Variants in SETD2 observed in about 807,000 individuals in gnomAD.
SETD2 encodes histone-lysine N-methyltransferase SETD2.
Under a neutral mutation model 242.1 loss-of-function variants are expected in SETD2, and 31 were observed. The ratio of observed to expected loss-of-function variants is 0.13; its 90% confidence interval spans 0.10 to 0.17. The LOEUF (loss-of-function observed/expected upper bound fraction) is 0.17, where lower values mean the gene tolerates loss of function less well. Ranked by LOEUF, SETD2 falls within the 10% of genes least tolerant of loss-of-function variation. The pLI is 1.00. For synonymous variants in SETD2, 1,006 were observed against 1,066.5 expected (o/e 0.94, Z 1.11); for missense variants, 2,481 against 3,046.3 (o/e 0.81, Z 4.37).
intron 1 of SETD2, chr3:47,145,470 C>T (rs1484213706): frequency 2.4e-6 from 1 of 415,336 alleles, no homozygotes. Context: ...TCCCAGCTTG[C>T]TGCAGCCTTG....
At chr3:47,044,773 G>A (rs2039447960) in intron 16 of SETD2, among the ~76,000 whole-genome samples, 1 of 152,120 alleles carries the variant, frequency 6.6e-6, no homozygotes, top group African/African-American at 2.4e-5. Context: ...GTATAGTGAA[G>A]TATATCACAC....
intron 12 of SETD2, 40 bp from the exon 13 acceptor site, chr3:47,067,158 T>G (rs1236014921): frequency 6.9e-7 from 1 of 1,457,586 alleles, no homozygotes; most frequent in Non-Finnish European, 9.6e-7. Context: ...TTAGTGAGGG[T>G]GGAAATGGTG....
chr3:47,103,273 T>C (rs1341563962), intron 7 of SETD2, 73 bp downstream of exon 7: 8 of 951,914 alleles, frequency 8.4e-6, no homozygotes, highest in Admixed American at 5.4e-5. Context: ...ACCTTAGATA[T>C]GGGATCTAAA....
intron 13 of SETD2, among the ~76,000 whole-genome samples, chr3:47,065,639 T>A (rs968805486): frequency 3.3e-5 from 5 of 151,690 alleles, no homozygotes; most frequent in African/African-American, 7.3e-5. Context: ...CTACAAAAAA[T>A]AAATAAATAA....
rs768998716 is a variant in SETD2, at chr3:47,057,516, A to C, written c.6294-26T>G. 3.8e-6 allele frequency: 6 copies of C among 1,578,040 alleles called. No homozygotes were observed. The South Asian group carries it at 6.7e-5, about 18-fold the overall frequency. Reference sequence around the variant, plus strand: ...CTAGAAAGAAAATAAGGACCACAAAAAGTTGCTCCCTAAATCATAGACACA... The same window carrying C: ...CTAGAAAGAAAATAAGGACCACAAACAGTTGCTCCCTAAATCATAGACACA... On this transcript the variant is annotated intron_variant, in intron 14 of 20. Coordinates refer to ENST00000409792, the MANE Select transcript of SETD2 (RefSeq NM_014159.7).
intron 2 of SETD2, among the ~76,000 whole-genome samples, chr3:47,124,963 A>G (rs1363182995): frequency 6.6e-6 from 1 of 152,144 alleles, no homozygotes; most frequent in African/African-American, 2.4e-5. Flanking sequence ...TCTATCAGAG[A>G]TGAAAAATCA....
Position 47,096,936 on chromosome 3 carries a change from CTTTT to C in SETD2, c.5142+1015_5142+1018del, listed in dbSNP as rs558756062. 2.1e-4 allele frequency among the ~76,000 whole-genome samples: 32 copies of C among 152,078 alleles called. 1 individual carries two copies. The South Asian group carries it at 6.4e-3, about 31-fold the overall frequency. On this transcript the variant is annotated intron_variant, in intron 9 of 20. Transcript: ENST00000409792. ...CGGACCTTTCCAATGCTTTTTTTAA[CTTTT>C]TTTAACTGAATCTTCTTACAGAATT...
intron 8 of SETD2, 112 bp from the exon 9 acceptor site, chr3:47,098,193 C>G: frequency 2.8e-6 from 3 of 1,087,934 alleles, no homozygotes; most frequent in Non-Finnish European, 3.8e-6. Context: ...CAAACAAAAA[C>G]CATAACTTGA....
chr3:47,061,449 A>ACAACACTGT (rs1266426927), intron 14 of SETD2, among the ~76,000 whole-genome samples: 1 of 152,138 alleles, frequency 6.6e-6, no homozygotes, highest in Non-Finnish European at 1.5e-5. Context: ...TACAGTAGGG[A>ACAACACTGT]AAGGACAGCA....
Position 47,070,714 on chromosome 3 carries a change from T to C in SETD2, c.6061-3596A>G, listed in dbSNP as rs79911976. Among the ~76,000 whole-genome samples the C allele has an allele frequency of 1.1e-4, 16 of 152,324 alleles. No homozygotes were observed. The East Asian group carries it at 2.7e-3, about 26-fold the overall frequency. Reference sequence around the variant, plus strand: ...ACCCTTAATGTAAGATCACCTTACTTTGTTAAATATTCCACTCAAGAGACT... The same window carrying C: ...ACCCTTAATGTAAGATCACCTTACTCTGTTAAATATTCCACTCAAGAGACT... On this transcript the variant is annotated intron_variant, in intron 12 of 20. Coordinates refer to ENST00000409792, the MANE Select transcript of SETD2 (RefSeq NM_014159.7).
chr3:47,143,835 C>T lies in SETD2; in HGVS notation c.72-17172G>A, dbSNP rs193283850. Among the ~76,000 whole-genome samples the T allele has an allele frequency of 3.1e-3, 476 of 152,180 alleles. 2 individuals are homozygous for T. The highest frequency in any genetic ancestry group is 6.8e-3 in the Middle Eastern group (2 of 294). ...ATGCCATTCTCCTGCCTCAGCCTCC[C>T]GAGTAGCTGGGACTACAGACACCCA... On this transcript the variant is annotated intron_variant, in intron 1 of 20. Coordinates refer to ENST00000409792, the MANE Select transcript of SETD2 (RefSeq NM_014159.7).
Position 47,121,887 on chromosome 3 carries a change from T to G in SETD2, c.2749A>C (p.Ser917Arg). Residue 917 changes from serine to arginine, a missense_variant, in exon 3 of 21, where the codon AGT becomes CGT. Ser to Arg is a moderately radical substitution (Grantham distance 110, BLOSUM62 -1). Around this residue, in one of 17 missense-constraint regions of SETD2, gnomAD observed 1,300 missense variants for 1,259.2 expected, o/e 1.03. Coordinates refer to ENST00000409792, the MANE Select transcript of SETD2 (RefSeq NM_014159.7). ...VLDAVLKSKK[S>R]SEFLKHAGKE... ...CCTGCATGCTTTAAAAACTCTGAACTTTTTTTACTCTTTAGCACTGCATCC... is the reference window on the plus strand; with the variant it reads ...CCTGCATGCTTTAAAAACTCTGAACGTTTTTTACTCTTTAGCACTGCATCC... 6.2e-7 allele frequency: 1 copy of G among 1,613,932 alleles called. No homozygotes were observed. Among genetic ancestry groups the G allele is most frequent in the Non-Finnish European group, 8.5e-7 (1 of 1,179,968 alleles).
At chr3:47,100,555 G>A (rs1388576275) in intron 8 of SETD2, among the ~76,000 whole-genome samples, 1 of 152,096 alleles carries the variant, frequency 6.6e-6, no homozygotes, top group Non-Finnish European at 1.5e-5. Flanking sequence ...CAACCAGCCT[G>A]TAGTTTTATT....
chr3:47,151,841 A>G (rs1189688350), intron 1 of SETD2, among the ~76,000 whole-genome samples: 1 of 151,992 alleles, frequency 6.6e-6, no homozygotes, highest in Non-Finnish European at 1.5e-5. Flanking sequence ...AAAAAAAAAA[A>G]AAAAAAGTTT....
At chr3:47,142,428 G>C (rs1575840333) in intron 1 of SETD2, among the ~76,000 whole-genome samples, 1 of 152,194 alleles carries the variant, frequency 6.6e-6, no homozygotes, top group East Asian at 1.9e-4. Context: ...AAGACTGCTT[G>C]AGCCCCAGAG....
intron 1 of SETD2, among the ~76,000 whole-genome samples, chr3:47,127,754 G>A (rs921889964): frequency 4.6e-5 from 7 of 152,132 alleles, no homozygotes; most frequent in African/African-American, 1.7e-4. Flanking sequence ...CCAGCTACTC[G>A]GGAGGCTGAG....
intron 15 of SETD2, among the ~76,000 whole-genome samples, chr3:47,049,651 T>C (rs937186650): frequency 2.0e-5 from 3 of 147,942 alleles, no homozygotes; most frequent in Non-Finnish European, 4.5e-5. Flanking sequence ...GGATTACAGG[T>C]GTGAGCCACC....
chr3:47,136,409 T>G (rs1455871995), intron 1 of SETD2, among the ~76,000 whole-genome samples: 1 of 151,890 alleles, frequency 6.6e-6, no homozygotes, highest in Non-Finnish European at 1.5e-5. Context: ...CTCCAGATCT[T>G]CACCAGACTG....
intron 15 of SETD2, among the ~76,000 whole-genome samples, chr3:47,048,977 T>A (rs951740084): frequency 4.0e-5 from 6 of 151,680 alleles, no homozygotes; most frequent in African/African-American, 9.7e-5. Context: ...ATATTTTTTT[T>A]AAAAAAGAGT....
Sources: allele counts gnomAD v4.1 joint callset (sites outside exome capture counted in the v4.1 genomes callset), GRCh38; gene constraint gnomAD v4.1.1; regional missense constraint gnomAD v4.1.1; transcripts MANE v1.5; gene names NCBI Gene and HGNC (gene_info 2026-07-23, HGNC 2026-07-21).